The following FAM135B variants were observed in gnomAD, a reference collection of about 807,000 sequenced individuals.
The protein encoded by FAM135B is family with sequence similarity 135 member B.
Under a neutral mutation model 127.7 loss-of-function variants are expected in FAM135B, and 43 were observed. The observed-to-expected ratio is 0.34, with a 90% CI of 0.26 to 0.43. The LOEUF (loss-of-function observed/expected upper bound fraction) is 0.43. Ranked by LOEUF, FAM135B falls within the 20% of genes least tolerant of loss-of-function variation. The pLI is 1.00. For missense variants in FAM135B, 1,558 were observed against 1,725.6 expected, an observed-to-expected ratio of 0.90 and a Z score of 1.72; for synonymous variants, 670 against 665.1, an observed-to-expected ratio of 1.01 and a Z score of -0.11.
chr8:138,415,439 G>T (rs1304014270), intron 1 of FAM135B, among the ~76,000 whole-genome samples: 1 of 152,126 alleles, frequency 6.6e-6, no homozygotes, highest in South Asian at 2.1e-4. Context: ...AAAGACAAAT[G>T]ATTTAATCAT....
rs557441041 is a variant in FAM135B, at chr8:138,436,122, T to C, written c.-20+60549A>G. On this transcript the variant is annotated intron_variant, in intron 1 of 19. Transcript: ENST00000395297. Reference sequence around the variant, plus strand: ...TCCTTCACTTTTACTCACTGTGAAATACAGGGAATATGCAATTTAATGCTT... The same window carrying C: ...TCCTTCACTTTTACTCACTGTGAAACACAGGGAATATGCAATTTAATGCTT... 8.5e-5 allele frequency among the ~76,000 whole-genome samples: 13 copies of C among 152,266 alleles called. No individual in the cohort carries two copies. The South Asian group carries it at 2.5e-3, about 29-fold the overall frequency.
At chr8:138,168,192 CCTA>C in intron 11 of FAM135B, 143 bp from the exon 12 acceptor site, 1 of 930,798 alleles carries the variant, frequency 1.1e-6, no homozygotes, top group Non-Finnish European at 1.5e-6. Flanking sequence ...CTTCCACCCA[CCTA>C]CTTAGCCCCC....
At chr8:138,145,871 G>T in intron 15 of FAM135B, 88 bp downstream of exon 15, 2 of 728,212 alleles carry the variant, frequency 2.7e-6, no homozygotes, top group Non-Finnish European at 2.4e-6. Flanking sequence ...CTATCTGTGT[G>T]TGTCCATAAA....
intron 3 of FAM135B, among the ~76,000 whole-genome samples, chr8:138,269,839 C>T (rs2130665857): frequency 6.6e-6 from 1 of 152,188 alleles, no homozygotes. Flanking sequence ...TATCAAAATC[C>T]AAACAGATTT....
intron 1 of FAM135B, among the ~76,000 whole-genome samples, chr8:138,449,699 G>A (rs1235234641): frequency 6.6e-6 from 1 of 152,008 alleles, no homozygotes; most frequent in East Asian, 1.9e-4. Context: ...AAAATTAAGA[G>A]GAAGGTATAG....
intron 1 of FAM135B, among the ~76,000 whole-genome samples, chr8:138,403,753 AAG>A (rs375784167): frequency 1.3e-5 from 2 of 149,984 alleles, no homozygotes; most frequent in African/African-American, 4.9e-5. Context: ...CCCTCCCCCA[AAG>A]ACCTACACCT....
chr8:138,367,090 A>G (rs1256528278), intron 2 of FAM135B, among the ~76,000 whole-genome samples: 1 of 152,098 alleles, frequency 6.6e-6, no homozygotes, highest in African/African-American at 2.4e-5. Context: ...GAGCTAAACT[A>G]AGTTGTTGTT....
At chr8:138,217,724 C>T (rs976792267) in intron 7 of FAM135B, among the ~76,000 whole-genome samples, 2 of 152,176 alleles carry the variant, frequency 1.3e-5, no homozygotes, top group Non-Finnish European at 2.9e-5. Flanking sequence ...AGCCACCATG[C>T]CCGGCCGATA....
At chr8:138,257,447 C>A (rs1822180929) in intron 4 of FAM135B, among the ~76,000 whole-genome samples, 1 of 152,016 alleles carries the variant, frequency 6.6e-6, no homozygotes. Flanking sequence ...AATCTTTATT[C>A]TTCGTGTCAG....
chr8:138,446,179 T>TC (rs1271305372), intron 1 of FAM135B, among the ~76,000 whole-genome samples: 3 of 152,110 alleles, frequency 2.0e-5, no homozygotes, highest in African/African-American at 7.2e-5. Context: ...GGAAGAACAT[T>TC]CCATGCTCAT....
intron 14 of FAM135B, among the ~76,000 whole-genome samples, chr8:138,146,302 A>G (rs1283673874): frequency 6.6e-6 from 1 of 152,196 alleles, no homozygotes; most frequent in Non-Finnish European, 1.5e-5. Flanking sequence ...ATCTGTGAGC[A>G]TGTGGCTTGT....
chr8:138,173,995 G>A (rs1814180625), intron 11 of FAM135B, among the ~76,000 whole-genome samples: 1 of 152,154 alleles, frequency 6.6e-6, no homozygotes, highest in African/African-American at 2.4e-5. Flanking sequence ...CGTGGCGAAA[G>A]ATGGTCTTCA....
chr8:138,178,173 G>C (rs1229335346), intron 10 of FAM135B, among the ~76,000 whole-genome samples: 1 of 151,912 alleles, frequency 6.6e-6, no homozygotes, highest in Non-Finnish European at 1.5e-5. Context: ...GCTTGAATCA[G>C]GGAGGTGGAG....
chr8:138,175,514 T>C (rs57065218), intron 11 of FAM135B, among the ~76,000 whole-genome samples: 9,481 of 152,324 alleles, frequency 0.062, 535 homozygotes, highest in East Asian at 0.17. Context: ...CAGTGTTGCC[T>C]TGGAGCCCAT....
intron 19 of FAM135B, among the ~76,000 whole-genome samples, chr8:138,135,418 G>A (rs1490763537): frequency 1.3e-5 from 2 of 151,938 alleles, no homozygotes; most frequent in Non-Finnish European, 2.9e-5. Context: ...TGTCCCATGG[G>A]CAATTAGAAA....
intron 3 of FAM135B, among the ~76,000 whole-genome samples, chr8:138,306,679 T>C (rs1826288888): frequency 6.7e-6 from 1 of 150,222 alleles, no homozygotes; most frequent in Admixed American, 6.7e-5. Flanking sequence ...GCCTCCCGGG[T>C]TCAAGCAATT....
At chr8:138,398,120 T>C (rs1346348038) in intron 1 of FAM135B, among the ~76,000 whole-genome samples, 1 of 152,180 alleles carries the variant, frequency 6.6e-6, no homozygotes, top group Non-Finnish European at 1.5e-5. Flanking sequence ...GTTCAAAGAC[T>C]GTGTGACCTT....
intron 2 of FAM135B, among the ~76,000 whole-genome samples, chr8:138,335,637 G>T (rs2131020951): frequency 6.6e-6 from 1 of 152,218 alleles, no homozygotes; most frequent in East Asian, 1.9e-4. Flanking sequence ...AGAGACTTAG[G>T]CTCCCAAACA....
chr8:138,344,996 G>A (rs1010874082), intron 2 of FAM135B, among the ~76,000 whole-genome samples: 4 of 152,198 alleles, frequency 2.6e-5, no homozygotes, highest in African/African-American at 7.2e-5. Context: ...CTGATGCTCC[G>A]GAAGAGCAGG....
Sources: allele counts gnomAD v4.1 joint callset (sites outside exome capture counted in the v4.1 genomes callset), GRCh38; gene constraint gnomAD v4.1.1; transcripts MANE v1.5; gene names NCBI Gene and HGNC (gene_info 2026-07-23, HGNC 2026-07-21).